Variants in SLC28A3 observed in about 807,000 individuals in gnomAD.
SLC28A3 encodes the protein concentrative Na(+)-nucleoside cotransporter 3.
SLC28A3 carries 68 observed loss-of-function variants against 84.2 expected under a neutral mutation model. That is an observed-to-expected ratio of 0.81 (90% CI 0.66 to 0.99). The LOEUF (loss-of-function observed/expected upper bound fraction) is 0.99. Ranked by LOEUF, SLC28A3 falls within the 50% of genes least tolerant of loss-of-function variation. The pLI is 0.00. For missense variants in SLC28A3, 712 were observed against 841.5 expected (o/e 0.85, Z 1.90); for synonymous variants, 267 against 303.6 (o/e 0.88, Z 1.25).
intron 1 of SLC28A3, among the ~76,000 whole-genome samples, chr9:84,331,957 C>A (rs987460128): frequency 6.6e-6 from 1 of 152,018 alleles, no homozygotes; most frequent in African/African-American, 2.4e-5. Flanking sequence ...GGAAAAGGTT[C>A]TTTTTTAAAG....
the SLC28A3 span, among the ~76,000 whole-genome samples, chr9:84,361,689 G>C: frequency 6.6e-6 from 1 of 151,732 alleles, no homozygotes; most frequent in Non-Finnish European, 1.5e-5. Context: ...TGATCTGTAC[G>C]CCCCTAGGGT....
rs543523369 is a variant in SLC28A3, at chr9:84,298,009, C to A, written c.680G>T (p.Arg227Ile). 3.1e-6 allele frequency: 5 copies of A among 1,610,918 alleles called. No individual in the cohort carries two copies. In the African/African-American group the frequency reaches 6.7e-5, roughly 22 times the overall value. Residue 227 changes from arginine (R) to isoleucine (I), a missense_variant, in exon 7 of 18, where the codon AGA (arginine) becomes ATA (isoleucine). Physicochemically the swap from Arg to Ile is moderately conservative, Grantham distance 97. Coordinates refer to ENST00000376238, the MANE Select transcript of SLC28A3 (RefSeq NM_001199633.2). ...TAGCCCGATTCCCCATAAGACAGGT[C>A]TCCAGTAAACCTATACAGAAAGATC... Reference protein sequence around the residue: ...FSKYPTRVYWRPVLWGIGLQF... With the variant: ...FSKYPTRVYWIPVLWGIGLQF...
intron 14 of SLC28A3, among the ~76,000 whole-genome samples, chr9:84,284,501 C>G (rs924779155): frequency 6.6e-6 from 1 of 152,198 alleles, no homozygotes; most frequent in Non-Finnish European, 1.5e-5. Flanking sequence ...AGGCAGGCTG[C>G]TTTTCCTCCC....
At chr9:84,364,259 A>T in the SLC28A3 span, among the ~76,000 whole-genome samples, 1 of 150,914 alleles carries the variant, frequency 6.6e-6, no homozygotes, top group Non-Finnish European at 1.5e-5. Flanking sequence ...CGAGTGGCTT[A>T]TAGGCATGCA....
intron 1 of SLC28A3, among the ~76,000 whole-genome samples, chr9:84,316,654 T>A (rs12341520): frequency 0.11 from 16,435 of 152,202 alleles, 2,906 homozygotes; most frequent in African/African-American, 0.37. Context: ...TTACTTTTGG[T>A]TTTTGCTTTT....
intron 8 of SLC28A3, among the ~76,000 whole-genome samples, chr9:84,296,712 A>G (rs975752521): frequency 2.7e-5 from 4 of 148,424 alleles, no homozygotes; most frequent in Non-Finnish European, 4.4e-5. Flanking sequence ...GGCAAAGGCT[A>G]TGCTGAAGGA....
At chr9:84,295,939 A>G (rs993434634) in intron 8 of SLC28A3, among the ~76,000 whole-genome samples, 18 of 152,180 alleles carry the variant, frequency 1.2e-4, no homozygotes, top group Admixed American at 2.0e-4. Flanking sequence ...TGAGCCTTTT[A>G]TTGGCTTTAA....
At chr9:84,300,355 C>T (rs1825580796) in intron 5 of SLC28A3, among the ~76,000 whole-genome samples, 1 of 152,140 alleles carries the variant, frequency 6.6e-6, no homozygotes, top group Non-Finnish European at 1.5e-5. Flanking sequence ...GGATTCTTCA[C>T]CTTTGTTTTG....
chr9:84,305,223 A>C, intron 4 of SLC28A3, 31 bp downstream of exon 4: 14 of 1,429,024 alleles, frequency 9.8e-6, no homozygotes, highest in South Asian at 1.2e-5. Context: ...AAAAAAAGAC[A>C]GTGGTATCCC....
intron 2 of SLC28A3, chr9:84,310,512 T>A: frequency 1.0e-6 from 1 of 985,440 alleles, no homozygotes; most frequent in Non-Finnish European, 1.2e-6. Flanking sequence ...GTGGAGCAGT[T>A]TGAGTGTGCT....
intron 10 of SLC28A3, 100 bp from the exon 11 acceptor site, chr9:84,290,379 G>C (rs1241721240): frequency 1.4e-6 from 2 of 1,431,120 alleles, no homozygotes; most frequent in Non-Finnish European, 1.9e-6. Flanking sequence ...AAAGCAGACA[G>C]TTTCTAAGAG....
At chr9:84,280,178 T>C (rs1057197841) in intron 15 of SLC28A3, 105 bp from the exon 16 acceptor site, 1 of 960,916 alleles carries the variant, frequency 1.0e-6, no homozygotes, top group Non-Finnish European at 1.5e-6. Flanking sequence ...AGCTGACTTT[T>C]TTTTTTTTTT....
At chr9:84,367,220 T>C in the SLC28A3 span, among the ~76,000 whole-genome samples, 1 of 152,184 alleles carries the variant, frequency 6.6e-6, no homozygotes, top group African/African-American at 2.4e-5. Context: ...AATATTCTCT[T>C]AAGGCCCAAA....
chr9:84,364,933 T>C, the SLC28A3 span, among the ~76,000 whole-genome samples: 4 of 152,236 alleles, frequency 2.6e-5, no homozygotes, highest in Admixed American at 2.0e-4. Flanking sequence ...GATGGACACT[T>C]AGGTTGCTTC....
Position 84,328,195 on chromosome 9 carries a change from A to G in SLC28A3, c.60+12379T>C, listed in dbSNP as rs891868250. 4.7e-4 allele frequency among the ~76,000 whole-genome samples: 71 copies of G among 149,598 alleles called. 2 individuals carry two copies. The highest frequency in any genetic ancestry group is 2.3e-3 in the Admixed American group (34 of 14,968). Reference sequence around the variant, plus strand: ...CACACACACACACACACACACACATATTCACACAAAATAAAAATATAAATC... The same window carrying G: ...CACACACACACACACACACACACATGTTCACACAAAATAAAAATATAAATC... On this transcript the variant is annotated intron_variant, in intron 1 of 17. Transcript: ENST00000376238.
Position 84,288,197 on chromosome 9 carries a change from G to C in SLC28A3, c.1150-19C>G, listed in dbSNP as rs1217557626. On this transcript the variant is annotated intron_variant, in intron 11 of 17. Transcript: ENST00000376238. ...ATGGAACCTGCAATTTCAGAAGAAA[G>C]AAGGCAAACCTGGGATTAGCTTTTT... The C allele has an allele frequency of 1.2e-6, 2 of 1,613,612 alleles. No individual in the cohort carries two copies. Among genetic ancestry groups the C allele is most frequent in the South Asian group, 2.2e-5 (2 of 91,050 alleles).
Position 84,286,099 on chromosome 9 carries a change from A to G in SLC28A3, c.1293T>C (p.Asn431=), listed in dbSNP as rs747146570. The change falls in exon 13 of 18, where the codon AAT becomes AAC. Residue 431 remains asparagine, a synonymous_variant. Transcript: ENST00000376238. ...CTCCCTGTGTTGCAGCTTCTAGAAG[A>G]TTCCCTGAATCACTTTATCAAGAAA... ...AMKMESGDSG[N]LLEAATQGAS... The G allele has an allele frequency of 6.2e-7, 1 of 1,613,424 alleles. No homozygotes were observed. The highest frequency in any genetic ancestry group is 8.5e-7 in the Non-Finnish European group (1 of 1,179,720).
rs58138013 is a variant in SLC28A3, at chr9:84,302,633, C to T, written c.335-244G>A. ...AGGGTGCTAGGTATTTTTATTCTTA[C>T]AGGACCTTCTGAGTTCTTGAATCTT... On this transcript the variant is annotated intron_variant, in intron 4 of 17. Coordinates refer to ENST00000376238, the MANE Select transcript of SLC28A3 (RefSeq NM_001199633.2). Among the ~76,000 whole-genome samples the T allele has an allele frequency of 3.0e-3, 450 of 152,298 alleles. 2 individuals are homozygous for T. Among genetic ancestry groups the T allele is most frequent in the African/African-American group, 0.01 (427 of 41,560 alleles).
chr9:84,360,420 G>A, the SLC28A3 span, among the ~76,000 whole-genome samples: 4 of 152,194 alleles, frequency 2.6e-5, no homozygotes, highest in South Asian at 8.3e-4. Flanking sequence ...GCTGTTGGAT[G>A]TCCATGGGGA....
Sources: allele counts gnomAD v4.1 joint callset (sites outside exome capture counted in the v4.1 genomes callset), GRCh38; gene constraint gnomAD v4.1.1; transcripts MANE v1.5; gene names NCBI Gene and HGNC (gene_info 2026-07-23, HGNC 2026-07-21).